GABRG3: variants seen among roughly 807,000 people sequenced by gnomAD.
GABRG3 encodes gamma-aminobutyric acid receptor subunit gamma-3.
GABRG3 carries 25 observed loss-of-function variants against 48.8 expected under a neutral mutation model. The ratio of observed to expected loss-of-function variants is 0.51; its 90% confidence interval spans 0.37 to 0.72. The LOEUF is 0.72. GABRG3 is among the 30% of genes least tolerant of loss of function. The pLI is 0.00. For synonymous variants in GABRG3, 227 were observed against 217.6 expected (o/e 1.04, Z -0.38); for missense variants, 394 against 577.9 (o/e 0.68, Z 3.26).
At chr15:27,361,706 G>A (rs912132036) in intron 5 of GABRG3, among the ~76,000 whole-genome samples, 1 of 152,200 alleles carries the variant, frequency 6.6e-6, no homozygotes, top group Non-Finnish European at 1.5e-5. Flanking sequence ...GAGAGGACAA[G>A]CAGCTATTTC....
chr15:27,368,507 A>C (rs2140553584), intron 5 of GABRG3, among the ~76,000 whole-genome samples: 1 of 152,368 alleles, frequency 6.6e-6, no homozygotes, highest in African/African-American at 2.4e-5. Context: ...TAAGAACACA[A>C]GAAGAGTAAT....
chr15:27,145,665 T>TATCTATCTATCTATCTGTCTATC (rs57021410), intron 3 of GABRG3, among the ~76,000 whole-genome samples: 3 of 138,356 alleles, frequency 2.2e-5, no homozygotes, highest in Admixed American at 7.2e-5. Flanking sequence ...ATCTATCTAT[T>TATCTATCTATCTATCTGTCTATC]GTGCCAGAAG....
At chr15:27,323,170 C>T (rs1296213410) in intron 3 of GABRG3, among the ~76,000 whole-genome samples, 1 of 152,170 alleles carries the variant, frequency 6.6e-6, no homozygotes, top group African/African-American at 2.4e-5. Flanking sequence ...TAAAAAGGCT[C>T]ATTCAGAAAT....
chr15:27,149,613 A>G (rs1367715382), intron 3 of GABRG3, among the ~76,000 whole-genome samples: 2 of 152,220 alleles, frequency 1.3e-5, no homozygotes, highest in African/African-American at 2.4e-5. Flanking sequence ...AGTCAAGACA[A>G]TGTGATACTA....
At chr15:27,286,495 G>A (rs1891616659) in intron 3 of GABRG3, among the ~76,000 whole-genome samples, 1 of 152,210 alleles carries the variant, frequency 6.6e-6, no homozygotes, top group South Asian at 2.1e-4. Flanking sequence ...TCGGTCAAAT[G>A]TGGAGAGAAA....
At chr15:27,057,300 A>G (rs1478932584) in intron 3 of GABRG3, among the ~76,000 whole-genome samples, 1 of 152,244 alleles carries the variant, frequency 6.6e-6, no homozygotes, top group Non-Finnish European at 1.5e-5. Context: ...CAAAAGTCAC[A>G]GAACATAATT....
chr15:27,398,135 C>T (rs1887371522), intron 5 of GABRG3, among the ~76,000 whole-genome samples: 1 of 152,032 alleles, frequency 6.6e-6, no homozygotes, highest in Admixed American at 6.6e-5. Flanking sequence ...TAATCTATAC[C>T]ATTTATAAAT....
At chr15:27,273,781 CACATTTCCCAG>C (rs1027429776) in intron 3 of GABRG3, among the ~76,000 whole-genome samples, 2 of 152,198 alleles carry the variant, frequency 1.3e-5, no homozygotes, top group African/African-American at 4.8e-5. Flanking sequence ...TAATCCTAAT[CACATTTCCCAG>C]ACTTTCTTAT....
chr15:27,132,471 G>GGTTTTTTTTTTTTTTTTTT, intron 3 of GABRG3, among the ~76,000 whole-genome samples: 1 of 39,592 alleles, frequency 2.5e-5, no homozygotes, highest in Middle Eastern at 0.018. Context: ...AGTAGTTACA[G>GGTTTTTTTTTTTTTTTTTT]TTTTTTTTTT....
At chr15:27,448,439 CAT>C (rs1417896893) in intron 5 of GABRG3, among the ~76,000 whole-genome samples, 1 of 152,172 alleles carries the variant, frequency 6.6e-6, no homozygotes, top group Non-Finnish European at 1.5e-5. Flanking sequence ...GAATACCACT[CAT>C]GACGTAATTA....
At chr15:27,039,138 G>A (rs1026109628) in intron 3 of GABRG3, among the ~76,000 whole-genome samples, 1 of 152,204 alleles carries the variant, frequency 6.6e-6, no homozygotes, top group Non-Finnish European at 1.5e-5. Flanking sequence ...CCAAGTCTGC[G>A]GGCAGTTCTG....
chr15:27,509,569 C>T (rs1890848274), intron 6 of GABRG3, among the ~76,000 whole-genome samples: 2 of 152,092 alleles, frequency 1.3e-5, no homozygotes, highest in African/African-American at 2.4e-5. Context: ...TGGCTAATTT[C>T]TACTCACCTA....
chr15:27,301,960 T>G (rs992545460), intron 3 of GABRG3, among the ~76,000 whole-genome samples: 1 of 152,096 alleles, frequency 6.6e-6, no homozygotes, highest in South Asian at 2.1e-4. Flanking sequence ...GACTTCTACA[T>G]TCAGTAAGAA....
intron 3 of GABRG3, among the ~76,000 whole-genome samples, chr15:27,077,273 G>A (rs560859139): frequency 2.6e-5 from 4 of 152,222 alleles, no homozygotes; most frequent in South Asian, 2.1e-4. Context: ...TTAGCAGAGC[G>A]GTTCCAACCG....
chr15:27,455,341 A>G (rs1889232073), intron 5 of GABRG3, among the ~76,000 whole-genome samples: 1 of 150,854 alleles, frequency 6.6e-6, no homozygotes, highest in South Asian at 2.1e-4. Flanking sequence ...ATTTGTGTAT[A>G]TGTGCATGGT....
chr15:27,205,787 T>C (rs1888832894), intron 3 of GABRG3, among the ~76,000 whole-genome samples: 1 of 152,008 alleles, frequency 6.6e-6, no homozygotes, highest in South Asian at 2.1e-4. Context: ...TTCTTCCTGG[T>C]TCAATCTTGG....
chr15:27,458,689 A>AT (rs1889360062), intron 5 of GABRG3, among the ~76,000 whole-genome samples: 1 of 144,518 alleles, frequency 6.9e-6, no homozygotes, highest in Non-Finnish European at 1.5e-5. Context: ...TATGCCTCTG[A>AT]CAAAAAAAAA....
At chr15:26,978,747 A>G (rs1894998012) in intron 2 of GABRG3, among the ~76,000 whole-genome samples, 2 of 152,192 alleles carry the variant, frequency 1.3e-5, no homozygotes, top group South Asian at 4.1e-4. Flanking sequence ...TAAATCTTCA[A>G]ATTGGATCAA....
At chr15:27,098,375 G>A (rs1371458289) in intron 3 of GABRG3, among the ~76,000 whole-genome samples, 2 of 152,034 alleles carry the variant, frequency 1.3e-5, no homozygotes, top group Non-Finnish European at 2.9e-5. Flanking sequence ...CAGAGGTTGC[G>A]GTGAGCTGAG....
Sources: allele counts gnomAD v4.1 joint callset (sites outside exome capture counted in the v4.1 genomes callset), GRCh38; gene constraint gnomAD v4.1.1; transcripts MANE v1.5; gene names NCBI Gene and HGNC (gene_info 2026-07-23, HGNC 2026-07-21).